The following EQTN variants were observed in gnomAD, a reference collection of about 807,000 sequenced individuals.
The protein encoded by EQTN is equatorin.
Under a neutral mutation model 26.9 loss-of-function variants are expected in EQTN, and 29 were observed. That is an observed-to-expected ratio of 1.08 (90% CI 0.80 to 1.47). The LOEUF (loss-of-function observed/expected upper bound fraction) is 1.47. EQTN is among the 40% of genes most tolerant of loss of function. The pLI, the probability that EQTN is intolerant of heterozygous loss-of-function variation, is 0.00. For synonymous variants in EQTN, 129 were observed against 120.0 expected (o/e 1.07, Z -0.49); for missense variants, 391 against 346.1 (o/e 1.13, Z -1.03).
At chr9:27,295,165 A>AAT (rs1254852636) in intron 2 of EQTN, among the ~76,000 whole-genome samples, 1 of 152,220 alleles carries the variant, frequency 6.6e-6, no homozygotes, top group Non-Finnish European at 1.5e-5. Flanking sequence ...ACATAGACTA[A>AAT]ATGTTCTCCC....
rs201723057 is a variant in EQTN at position 27,285,133 on chromosome 9, C to CTTTT, written c.636-165_636-162dup. ...GATATATAGTTTTTCTTTTCTTTTC[C>CTTTT]TTTTTTTTTTTTTTTTTTTTTTTTT... On this transcript the variant is annotated intron_variant, in intron 7 of 7. Transcript: ENST00000380032. Among the ~76,000 whole-genome samples, 47 of 77,080 alleles carry CTTTT rather than the reference C, an allele frequency of 6.1e-4. 5 individuals carry two copies. The highest frequency in any genetic ancestry group is 1.9e-3 in the African/African-American group (33 of 17,538). The allele number at this position is 77,080 out of a possible 152,430, so 50.6% of individuals were successfully genotyped here. A position where few individuals can be genotyped will look rare whatever the true frequency, so the allele number is the denominator to read the frequency against.
chr9:27,294,600 T>C, intron 2 of EQTN, 198 bp from the exon 3 acceptor site: 1 of 359,654 alleles, frequency 2.8e-6, no homozygotes, highest in Non-Finnish European at 5.0e-6. Flanking sequence ...AAAGCCAAAC[T>C]AGTATCTTTA....
intron 5 of EQTN, among the ~76,000 whole-genome samples, 165 bp from the exon 6 acceptor site, chr9:27,289,896 A>G (rs1304110699): frequency 6.6e-6 from 1 of 152,222 alleles, no homozygotes; most frequent in Non-Finnish European, 1.5e-5. Flanking sequence ...GTATTAACGA[A>G]TACTGAACTG....
At chr9:27,292,565 A>G in intron 3 of EQTN, 78 bp from the exon 4 acceptor site, 1 of 764,754 alleles carries the variant, frequency 1.3e-6, no homozygotes, top group Non-Finnish European at 2.1e-6. Context: ...TTTAATATCT[A>G]TTAAATGGAT....
intron 2 of EQTN, 108 bp from the exon 3 acceptor site, chr9:27,294,510 A>T (rs1820298460): frequency 2.0e-6 from 1 of 501,842 alleles, no homozygotes; most frequent in Non-Finnish European, 3.4e-6. Flanking sequence ...TTAAAAAAAA[A>T]TTAAAAAAGT....
intron 4 of EQTN, 111 bp from the exon 5 acceptor site, chr9:27,291,174 G>A: frequency 1.1e-6 from 1 of 947,452 alleles, no homozygotes; most frequent in South Asian, 1.7e-5. Context: ...TAAACTTTGA[G>A]CTCCTATAAT....
chr9:27,288,856 G>T (rs1358642046), intron 6 of EQTN, among the ~76,000 whole-genome samples: 1 of 152,174 alleles, frequency 6.6e-6, no homozygotes, highest in Non-Finnish European at 1.5e-5. Flanking sequence ...TTCAGGAGGA[G>T]AGAGGAACAA....
In EQTN at chr9:27,284,814, G is replaced by T. The variant is rs755660643; in HGVS notation, c.794C>A (p.Thr265Lys). The change falls in exon 8 of 8, where the codon ACA (threonine) becomes AAA (lysine). Residue 265 changes from threonine to lysine, a missense_variant. Physicochemically the swap from Thr to Lys is moderately conservative, Grantham distance 78. Coordinates refer to ENST00000380032, the MANE Select transcript of EQTN (RefSeq NM_020641.3). The part of the protein sequence containing the change: ...TTSSDMRRSG[T>K]RTSESKIMTD... ...CATTATCTTAGATTCTGATGTTCTT[G>T]TGCCTGATCTTCTCATATCTGAAGA... 3.7e-6 allele frequency: 6 copies of T among 1,613,890 alleles called. No individual in the cohort carries two copies. The highest frequency in any genetic ancestry group is 4.2e-6 in the Non-Finnish European group (5 of 1,180,014).
intron 7 of EQTN, 77 bp downstream of exon 7, chr9:27,286,132 G>C (rs1380361503): frequency 1.4e-6 from 2 of 1,410,840 alleles, no homozygotes; most frequent in South Asian, 2.6e-5. Flanking sequence ...ATATTCCTAA[G>C]AATCTACTAA....
chr9:27,290,276 C>T (rs769863847), intron 5 of EQTN, among the ~76,000 whole-genome samples: 27 of 151,784 alleles, frequency 1.8e-4, no homozygotes, highest in Non-Finnish European at 2.5e-4. Context: ...ATTTACAGAA[C>T]GAGAGCTGAA....
chr9:27,286,748 C>T (rs1235214597), intron 6 of EQTN, among the ~76,000 whole-genome samples: 1 of 152,144 alleles, frequency 6.6e-6, no homozygotes, highest in Non-Finnish European at 1.5e-5. Context: ...TTATTCAAAA[C>T]GATTGACTTA....
chr9:27,293,257 T>G (rs965290001), intron 3 of EQTN, among the ~76,000 whole-genome samples: 3 of 152,180 alleles, frequency 2.0e-5, no homozygotes, highest in African/African-American at 7.2e-5. Context: ...CTGGAGTTGA[T>G]AGTGATTCAA....
chr9:27,291,142 C>CATCT, intron 4 of EQTN, 79 bp from the exon 5 acceptor site: 1 of 1,319,744 alleles, frequency 7.6e-7, no homozygotes, highest in Admixed American at 2.2e-5. Flanking sequence ...GAGGAACATT[C>CATCT]GTTTGTTAGT....
chr9:27,296,029 G>A (rs954238460), intron 2 of EQTN, among the ~76,000 whole-genome samples: 1 of 151,866 alleles, frequency 6.6e-6, no homozygotes, highest in African/African-American at 2.4e-5. Flanking sequence ...GGCCAGGTGT[G>A]GTGGCTCGCA....
At chr9:27,295,072 A>G (rs1038113138) in intron 2 of EQTN, among the ~76,000 whole-genome samples, 2 of 152,248 alleles carry the variant, frequency 1.3e-5, no homozygotes, top group Non-Finnish European at 2.9e-5. Context: ...TAATATTTAC[A>G]TATGTATTCA....
Position 27,292,431 on chromosome 9 carries a change from T to C in EQTN, c.346A>G (p.Thr116Ala), listed in dbSNP as rs1373742784. The C allele has an allele frequency of 7.5e-6, 12 of 1,608,610 alleles. No homozygotes were observed. Among genetic ancestry groups the C allele is most frequent in the Non-Finnish European group, 1.0e-5 (12 of 1,176,874 alleles). The part of the protein sequence containing the change: ...EKSTIEEETT[T>A]SEPSHKNIQR... ...ATATTTTTATGAGAGGGTTCGCTAG[T>C]AGTTGTTTCTTCTTCAATGGTGGAT... The change falls in exon 4 of 8, where the codon ACT becomes GCT. Residue 116 changes from threonine (T) to alanine (A), a missense_variant. Thr to Ala is a moderately conservative substitution (Grantham distance 58). Transcript: ENST00000380032.
chr9:27,292,551 ATTTT>A, intron 3 of EQTN, 64 bp from the exon 4 acceptor site: 19 of 909,986 alleles, frequency 2.1e-5, no homozygotes, highest in South Asian at 3.3e-5. Flanking sequence ...GAGAATAGAT[ATTTT>A]TTAATATCTA....
intron 2 of EQTN, 91 bp from the exon 3 acceptor site, chr9:27,294,493 G>C: frequency 1.6e-6 from 1 of 615,398 alleles, no homozygotes. Flanking sequence ...CTTAAAACAT[G>C]CACTAATTAA....
chr9:27,295,831 CAAAAAAA>C (rs67401588), intron 2 of EQTN, among the ~76,000 whole-genome samples: 1 of 69,294 alleles, frequency 1.4e-5, no homozygotes, highest in Non-Finnish European at 2.3e-5. Context: ...GACTCCGTCT[CAAAAAAA>C]AAAAAAAAAA....
Sources: gnomAD v4.1 joint callset for allele counts (sites outside exome capture counted in the v4.1 genomes callset) on GRCh38, gnomAD v4.1.1 for gene constraint, MANE v1.5 for transcripts, NCBI Gene and HGNC (gene_info 2026-07-23, HGNC 2026-07-21) for gene names.